The following OPRD1 variants were observed in gnomAD, a reference collection of about 807,000 sequenced individuals.
The protein encoded by OPRD1 is opioid receptor delta 1.
Under a neutral mutation model 17.5 loss-of-function variants are expected in OPRD1, and 19 were observed. The ratio of observed to expected loss-of-function variants is 1.09; its 90% CI spans 0.76 to 1.60. OPRD1 has a LOEUF of 1.60. Among genes scored for constraint, OPRD1 ranks in the 40% most tolerant of loss-of-function variants. The pLI is 0.00. For synonymous variants in OPRD1, 256 were observed against 240.9 expected (o/e 1.06, Z -0.58); for missense variants, 483 against 547.2 (o/e 0.88, Z 1.17).
intron 2 of OPRD1, among the ~76,000 whole-genome samples, chr1:28,862,062 C>G (rs2089128695): frequency 6.6e-6 from 1 of 151,966 alleles, no homozygotes; most frequent in South Asian, 2.1e-4. Context: ...TGGGCACCTA[C>G]CACCATGCCC....
chr1:28,843,070 G>A (rs1442072701), intron 1 of OPRD1, among the ~76,000 whole-genome samples: 2 of 152,000 alleles, frequency 1.3e-5, no homozygotes, highest in African/African-American at 2.4e-5. Flanking sequence ...GCTTTCACAC[G>A]TGCGGCTCCT....
intron 1 of OPRD1, among the ~76,000 whole-genome samples, chr1:28,836,286 CG>C (rs1404907804): frequency 2.0e-5 from 3 of 151,974 alleles, no homozygotes; most frequent in Non-Finnish European, 4.4e-5. Context: ...GAGGCCAAGG[CG>C]GGTGGATCAC....
chr1:28,849,919 G>A (rs1233823515), intron 1 of OPRD1, among the ~76,000 whole-genome samples: 9 of 133,554 alleles, frequency 6.7e-5, no homozygotes, highest in Admixed American at 1.7e-4. Context: ...TCGCTCTGTC[G>A]CCCAGGCTGG....
intron 1 of OPRD1, 92 bp downstream of exon 1, chr1:28,812,702 C>A: frequency 2.6e-6 from 3 of 1,153,710 alleles, no homozygotes; most frequent in Non-Finnish European, 3.4e-6. Context: ...TCCCTGGACT[C>A]CCCGCGCCTC....
At chr1:28,859,914 G>A (rs557089534) in intron 2 of OPRD1, among the ~76,000 whole-genome samples, 1 of 152,346 alleles carries the variant, frequency 6.6e-6, no homozygotes, top group South Asian at 2.1e-4. Context: ...GCTTAACACT[G>A]TAGAGGTTTC....
At chr1:28,830,351 C>T (rs143006501) in intron 1 of OPRD1, among the ~76,000 whole-genome samples, 37 of 151,806 alleles carry the variant, frequency 2.4e-4, no homozygotes, top group African/African-American at 8.7e-4. Context: ...AATGAGACTC[C>T]ATCTCTACAA....
In OPRD1 at chr1:28,863,330, C is replaced by G; in HGVS notation, c.*47C>G. On this transcript the variant is annotated 3_prime_UTR_variant, in exon 3 of 3. Transcript: ENST00000234961. ...GCGCCCCTCCCTAGTGACCCGGAGG[C>G]CACATGAGTCCCAGTGGGAGGCGCG... 6 of 1,400,250 alleles carry G rather than the reference C, an allele frequency of 4.3e-6. No homozygotes were observed. Among genetic ancestry groups the G allele is most frequent in the Non-Finnish European group, 4.6e-6 (5 of 1,086,142 alleles). 86.7% of individuals were successfully genotyped at this position (1,400,250 alleles called of 1,614,324 possible). A position where few individuals can be genotyped will look rare whatever the true frequency, so the allele number is the denominator to read the frequency against.
At position 28,823,472 on chromosome 1, in the gene OPRD1, C is replaced by T. The variant is rs557296477; in HGVS notation, c.227+10862C>T. ...AGTGCAATGGCATGATCTCGGCTCA[C>T]TGCAACCTCCGCCTCCTGGGTTCAA... is the stretch of plus-strand genomic sequence containing the variant. On this transcript the variant is annotated intron_variant, in intron 1 of 2. Coordinates refer to ENST00000234961, the MANE Select transcript of OPRD1 (RefSeq NM_000911.4). Among the ~76,000 whole-genome samples, 13 of 152,238 alleles carry T rather than the reference C, an allele frequency of 8.5e-5. No homozygotes were observed. The South Asian group carries it at 2.3e-3, about 27-fold the overall frequency.
At chr1:28,834,381 CTTTTTTT>C (rs11306242) in intron 1 of OPRD1, among the ~76,000 whole-genome samples, 1 of 121,808 alleles carries the variant, frequency 8.2e-6, no homozygotes, top group African/African-American at 3.1e-5. Context: ...TTCTTTTTTT[CTTTTTTT>C]TTTTTTTTTT....
intron 1 of OPRD1, among the ~76,000 whole-genome samples, chr1:28,851,727 C>G (rs143215548): frequency 6.6e-6 from 1 of 151,882 alleles, no homozygotes; most frequent in African/African-American, 2.4e-5. Flanking sequence ...CAAAATTAGC[C>G]GGGCGTGGTG....
At chr1:28,815,695 G>A (rs888566345) in intron 1 of OPRD1, among the ~76,000 whole-genome samples, 7 of 152,182 alleles carry the variant, frequency 4.6e-5, no homozygotes, top group South Asian at 2.1e-4. Flanking sequence ...CTCCATCTGC[G>A]GTTTCCTGGC....
chr1:28,812,457 G>C lies in OPRD1; in HGVS notation c.74G>C (p.Ser25Thr). ...LFANASDAYP[S>T]ACPSAGANAS... ...GCCAACGCCTCGGACGCCTACCCTA[G>C]CGCCTGCCCCAGCGCTGGCGCCAAT... The change falls in exon 1 of 3, where the codon AGC becomes ACC. Residue 25 changes from serine to threonine, a missense_variant. Ser to Thr is a moderately conservative substitution (Grantham distance 58, BLOSUM62 1). Transcript: ENST00000234961. 1 of 1,518,668 alleles carries C rather than the reference G, an allele frequency of 6.6e-7. No homozygotes were observed. The highest frequency in any genetic ancestry group is 8.8e-7 in the Non-Finnish European group (1 of 1,140,232). 94.1% of individuals were successfully genotyped at this position (1,518,668 alleles called of 1,614,324 possible). A position where few individuals can be genotyped will look rare whatever the true frequency, so the allele number is the denominator to read the frequency against.
At chr1:28,824,313 C>CTTTTTT (rs58074384) in intron 1 of OPRD1, among the ~76,000 whole-genome samples, 58 of 109,732 alleles carry the variant, frequency 5.3e-4, no homozygotes, top group Non-Finnish European at 6.7e-4. Context: ...TTTCTTTTTT[C>CTTTTTT]TTTTTTTTTT....
intron 1 of OPRD1, among the ~76,000 whole-genome samples, chr1:28,822,368 C>T (rs540151147): frequency 6.6e-6 from 1 of 152,128 alleles, no homozygotes; most frequent in Non-Finnish European, 1.5e-5. Flanking sequence ...TGGGAAACCA[C>T]TGGGTGGAGG....
In OPRD1 at chr1:28,868,404, C is replaced by G. The variant is rs951954580; in HGVS notation, c.*5121C>G. The G allele has an allele frequency of 1.3e-5, 2 of 152,250 alleles. No individual in the cohort carries two copies. The highest frequency in any genetic ancestry group is 2.9e-5 in the Non-Finnish European group (2 of 68,056). The allele number at this position is 152,250 out of a possible 1,614,324, so 9.4% of individuals were successfully genotyped here. ...GTCACTTCACCTCCACGAGAGCACTCTCTGAAAGCTAGAGATATGGTAAGC... is the reference window on the plus strand; with the variant it reads ...GTCACTTCACCTCCACGAGAGCACTGTCTGAAAGCTAGAGATATGGTAAGC... On this transcript the variant is annotated 3_prime_UTR_variant, in exon 3 of 3. Transcript: ENST00000234961.
intron 1 of OPRD1, among the ~76,000 whole-genome samples, chr1:28,848,969 T>C (rs2088976583): frequency 1.3e-5 from 2 of 152,186 alleles, no homozygotes; most frequent in Non-Finnish European, 2.9e-5. Context: ...CCCATCTTTG[T>C]ATCCTGCACA....
chr1:28,849,981 G>A lies in OPRD1; in HGVS notation c.228-8973G>A, dbSNP rs550108904. 3.4e-5 allele frequency among the ~76,000 whole-genome samples: 5 copies of A among 148,212 alleles called. No individual in the cohort carries two copies. In the East Asian group the frequency reaches 1.0e-3, roughly 30 times the overall value. On this transcript the variant is annotated intron_variant, in intron 1 of 2. Transcript: ENST00000234961. ...TGCAAGCTCCGCCTCCCAGGTTCAC[G>A]CCATTCTCCTGCCTCAGCCTCCAGA... is the stretch of plus-strand genomic sequence containing the variant.
At chr1:28,849,956 T>C (rs1200114949) in intron 1 of OPRD1, among the ~76,000 whole-genome samples, 1 of 146,038 alleles carries the variant, frequency 6.8e-6, no homozygotes, top group Admixed American at 7.1e-5. Context: ...CTCGGCTCAC[T>C]GCAAGCTCCG....
intron 1 of OPRD1, among the ~76,000 whole-genome samples, chr1:28,823,375 T>TTTTATTTA (rs1287015172): frequency 3.0e-5 from 3 of 100,206 alleles, no homozygotes; most frequent in East Asian, 2.5e-4. Context: ...CTTTTTTAAA[T>TTTTATTTA]TTTATTTGTT....
Sources: allele counts gnomAD v4.1 joint callset (sites outside exome capture counted in the v4.1 genomes callset), GRCh38; gene constraint gnomAD v4.1.1; transcripts MANE v1.5; gene names NCBI Gene and HGNC (gene_info 2026-07-23, HGNC 2026-07-21).